The following MEGF6 variants were observed in gnomAD, a reference collection of about 807,000 sequenced individuals.
MEGF6 encodes multiple EGF like domains 6.
A neutral mutation model predicts 207.1 loss-of-function variants in MEGF6; 184 were observed. The observed-to-expected ratio is 0.89, with a 90% CI of 0.79 to 1.00. MEGF6 has a LOEUF of 1.00. Ranked by LOEUF, MEGF6 falls within the 50% of genes least tolerant of loss-of-function variation. The pLI is 0.00. For synonymous variants in MEGF6, 1,038 were observed against 910.0 expected (o/e 1.14, Z -2.53); for missense variants, 2,282 against 2,202.9 (o/e 1.04, Z -0.72).
the MEGF6 span, among the ~76,000 whole-genome samples, chr1:3,622,677 C>T: frequency 1.6e-3 from 242 of 152,288 alleles, 1 homozygote; most frequent in Non-Finnish European, 3.2e-3. Context: ...GCAGGCCTGG[C>T]AGAGCAAGAC....
intron 4 of MEGF6, among the ~76,000 whole-genome samples, chr1:3,526,236 G>A (rs1641956524): frequency 6.6e-6 from 1 of 152,192 alleles, no homozygotes; most frequent in Non-Finnish European, 1.5e-5. Context: ...AGAGGCCAAG[G>A]CTAACATGAG....
the MEGF6 span, among the ~76,000 whole-genome samples, chr1:3,619,004 C>A: frequency 6.6e-6 from 1 of 152,222 alleles, no homozygotes; most frequent in East Asian, 1.9e-4. Flanking sequence ...AGGGCACAGG[C>A]AGGACCCACT....
chr1:3,597,889 C>G (rs537397015), intron 2 of MEGF6, among the ~76,000 whole-genome samples: 1 of 152,220 alleles, frequency 6.6e-6, no homozygotes, highest in Admixed American at 6.5e-5. Context: ...CACAGCTCAC[C>G]GCGTGGTACC....
chr1:3,493,286 G>A (rs1640451478), intron 34 of MEGF6: 1 of 220,598 alleles, frequency 4.5e-6, no homozygotes, highest in Non-Finnish European at 9.1e-6. Flanking sequence ...TTATCCTCAG[G>A]TGAGCCCCTC....
chr1:3,584,992 A>C (rs1394647099), intron 3 of MEGF6, among the ~76,000 whole-genome samples: 2 of 152,264 alleles, frequency 1.3e-5, no homozygotes, highest in African/African-American at 4.8e-5. Flanking sequence ...GTGAGGATGG[A>C]GCTGCAGCCA....
At chr1:3,596,507 C>T (rs1439230941) in intron 2 of MEGF6, among the ~76,000 whole-genome samples, 13 of 137,404 alleles carry the variant, frequency 9.5e-5, no homozygotes, top group Middle Eastern at 3.8e-3. Flanking sequence ...GCCCAGCCCC[C>T]GTCTCCACCC....
At chr1:3,528,356 G>A (rs910550894) in intron 4 of MEGF6, among the ~76,000 whole-genome samples, 8 of 152,200 alleles carry the variant, frequency 5.3e-5, no homozygotes, top group East Asian at 1.9e-4. Flanking sequence ...ATTCCCAGAC[G>A]GCTCCAAGGA....
chr1:3,617,557 C>A, the MEGF6 span, among the ~76,000 whole-genome samples: 1 of 152,122 alleles, frequency 6.6e-6, no homozygotes, highest in Admixed American at 6.5e-5. Context: ...GGCTGACCTG[C>A]ACAGCAAACC....
intron 2 of MEGF6, among the ~76,000 whole-genome samples, chr1:3,596,345 C>T (rs1401851492): frequency 6.6e-6 from 1 of 151,992 alleles, no homozygotes; most frequent in Non-Finnish European, 1.5e-5. Context: ...ACCCCAGCTA[C>T]CCAGAGGACA....
intron 17 of MEGF6, among the ~76,000 whole-genome samples, 192 bp downstream of exon 17, chr1:3,505,016 C>T (rs1379110408): frequency 6.6e-6 from 1 of 152,150 alleles, no homozygotes; most frequent in African/African-American, 2.4e-5. Context: ...GCAGCCGCAC[C>T]ACTGCCATGT....
chr1:3,584,279 A>T lies in MEGF6; in HGVS notation c.377-4350T>A, dbSNP rs1012528769. 2.0e-5 allele frequency among the ~76,000 whole-genome samples: 3 copies of T among 152,336 alleles called. No individual in the cohort carries two copies. In the South Asian group the frequency reaches 6.2e-4, roughly 32 times the overall value. Reference sequence around the variant, plus strand: ...TGGAGCTCATTTCCAGAATCGGGTTAACTGTGGAAAGGGGACTGGATTCCT... The same window carrying T: ...TGGAGCTCATTTCCAGAATCGGGTTTACTGTGGAAAGGGGACTGGATTCCT... On this transcript the variant is annotated intron_variant, in intron 3 of 36. Coordinates refer to ENST00000356575, the MANE Select transcript of MEGF6 (RefSeq NM_001409.4).
chr1:3,598,176 G>A (rs1269108597), intron 2 of MEGF6, among the ~76,000 whole-genome samples: 2 of 152,210 alleles, frequency 1.3e-5, no homozygotes, highest in East Asian at 3.9e-4. Flanking sequence ...GGGCCCTTGA[G>A]CCTCTGGGAG....
chr1:3,533,906 C>A (rs1642249796), intron 4 of MEGF6, among the ~76,000 whole-genome samples: 1 of 152,186 alleles, frequency 6.6e-6, no homozygotes, highest in South Asian at 2.1e-4. Flanking sequence ...CACTCTGACA[C>A]CCTCCAGGCT....
At chr1:3,524,297 T>C (rs745483010) in intron 4 of MEGF6, 51 bp from the exon 5 acceptor site, 3 of 1,581,288 alleles carry the variant, frequency 1.9e-6, no homozygotes, top group Non-Finnish European at 2.6e-6. Context: ...GCCCTCCTGC[T>C]TTGCCAACAC....
chr1:3,617,214 G>A, the MEGF6 span, among the ~76,000 whole-genome samples: 1 of 150,854 alleles, frequency 6.6e-6, no homozygotes, highest in South Asian at 2.1e-4. Context: ...GCTAGGTCTG[G>A]AAATATGAAG....
intron 3 of MEGF6, among the ~76,000 whole-genome samples, chr1:3,589,380 C>T (rs1429090645): frequency 3.3e-5 from 5 of 152,100 alleles, no homozygotes; most frequent in South Asian, 2.1e-4. Context: ...CCCCACCCCA[C>T]GCCCGTCCCA....
chr1:3,527,315 C>T (rs548542322), intron 4 of MEGF6, among the ~76,000 whole-genome samples: 10 of 152,380 alleles, frequency 6.6e-5, no homozygotes, highest in African/African-American at 2.2e-4. Context: ...GTGCCTGCCA[C>T]CTATGGAAAC....
At chr1:3,586,113 C>T (rs905710908) in intron 3 of MEGF6, among the ~76,000 whole-genome samples, 2 of 142,506 alleles carry the variant, frequency 1.4e-5, no homozygotes, top group African/African-American at 2.7e-5. Flanking sequence ...GTGAGTGACA[C>T]GTGTCCTGTG....
chr1:3,535,423 G>C (rs1056755721), intron 4 of MEGF6, among the ~76,000 whole-genome samples: 1 of 152,112 alleles, frequency 6.6e-6, no homozygotes, highest in African/African-American at 2.4e-5. Context: ...CAGGCAGCAG[G>C]GAGGCTGCCC....
Sources: allele counts gnomAD v4.1 joint callset (sites outside exome capture counted in the v4.1 genomes callset), GRCh38; gene constraint gnomAD v4.1.1; transcripts MANE v1.5; gene names NCBI Gene and HGNC (gene_info 2026-07-23, HGNC 2026-07-21).